Variants in ZNF407 observed in about 807,000 individuals in gnomAD.
ZNF407 encodes the protein zinc finger protein 407.
In ZNF407, 17 loss-of-function variants were observed where a neutral mutation model predicts 131.2. That is an observed-to-expected ratio of 0.13 (90% CI 0.09 to 0.19). ZNF407 has a LOEUF of 0.19. Ranked by LOEUF, ZNF407 falls within the 10% of genes least tolerant of loss-of-function variation. ZNF407 has a pLI of 1.00. For missense variants in ZNF407, 2,681 were observed against 2,830.6 expected (o/e 0.95, Z 1.20); for synonymous variants, 1,156 against 1,062.0 (o/e 1.09, Z -1.72).
chr18:74,952,299 C>T (rs770647726), intron 8 of ZNF407, among the ~76,000 whole-genome samples: 2 of 152,184 alleles, frequency 1.3e-5, no homozygotes, highest in Non-Finnish European at 2.9e-5. Context: ...GGGCACTGTG[C>T]TCTATGCCAT....
At chr18:74,672,503 T>C (rs373082957) in intron 3 of ZNF407, among the ~76,000 whole-genome samples, 26 of 119,570 alleles carry the variant, frequency 2.2e-4, no homozygotes, top group Admixed American at 6.1e-4. Context: ...GTTGGAGCAC[T>C]GTGTCTCTGT....
At chr18:74,743,530 A>G (rs1253423711) in intron 3 of ZNF407, among the ~76,000 whole-genome samples, 1 of 152,166 alleles carries the variant, frequency 6.6e-6, no homozygotes, top group Non-Finnish European at 1.5e-5. Context: ...GGACCACTGT[A>G]AAGTTGTATT....
At chr18:74,851,672 T>C (rs1349828897) in intron 4 of ZNF407, among the ~76,000 whole-genome samples, 2 of 152,168 alleles carry the variant, frequency 1.3e-5, no homozygotes, top group Non-Finnish European at 2.9e-5. Context: ...TTTGGGAAAT[T>C]CTTGATTTAT....
At chr18:74,839,024 A>G (rs972958885) in intron 4 of ZNF407, among the ~76,000 whole-genome samples, 2 of 152,212 alleles carry the variant, frequency 1.3e-5, no homozygotes, top group Non-Finnish European at 2.9e-5. Context: ...AAAAAAATAC[A>G]TATATCTCTA....
intron 6 of ZNF407, among the ~76,000 whole-genome samples, chr18:74,883,531 G>T (rs1971266902): frequency 6.6e-6 from 1 of 152,156 alleles, no homozygotes; most frequent in East Asian, 1.9e-4. Context: ...TGTCCAGGGG[G>T]CTGACACAAA....
intron 3 of ZNF407, among the ~76,000 whole-genome samples, chr18:74,766,829 G>A (rs1029695796): frequency 7.9e-5 from 12 of 152,172 alleles, no homozygotes; most frequent in East Asian, 3.9e-4. Flanking sequence ...AGATAACATC[G>A]TTAACACATA....
intron 8 of ZNF407, among the ~76,000 whole-genome samples, chr18:74,959,028 A>G (rs1216815546): frequency 6.6e-6 from 1 of 152,218 alleles, no homozygotes; most frequent in Non-Finnish European, 1.5e-5. Context: ...GTTCTTCATT[A>G]CATTTTACTT....
chr18:74,851,103 G>T (rs1390780963), intron 4 of ZNF407, among the ~76,000 whole-genome samples: 1 of 152,198 alleles, frequency 6.6e-6, no homozygotes, highest in Non-Finnish European at 1.5e-5. Flanking sequence ...AAATTAACGT[G>T]TAGAAAATGT....
At chr18:74,869,720 A>G (rs994185605) in intron 4 of ZNF407, among the ~76,000 whole-genome samples, 2 of 152,176 alleles carry the variant, frequency 1.3e-5, no homozygotes, top group African/African-American at 4.8e-5. Context: ...GAGTAGGCCC[A>G]CTGCCTGTTT....
At chr18:74,900,238 T>C (rs958866871) in intron 7 of ZNF407, among the ~76,000 whole-genome samples, 1 of 152,164 alleles carries the variant, frequency 6.6e-6, no homozygotes, top group Admixed American at 6.5e-5. Context: ...AGTGCCTCAC[T>C]ATTGTCCTGT....
intron 4 of ZNF407, among the ~76,000 whole-genome samples, chr18:74,788,303 A>T (rs529841151): frequency 1.3e-5 from 2 of 152,160 alleles, no homozygotes; most frequent in African/African-American, 2.4e-5. Context: ...AAGTGCATAT[A>T]TCTTTAGCCA....
chr18:74,823,982 T>C (rs983319942), intron 4 of ZNF407, among the ~76,000 whole-genome samples: 56 of 152,102 alleles, frequency 3.7e-4, no homozygotes, highest in African/African-American at 1.3e-3. Context: ...CCTCAGCAAA[T>C]GCAAAAGAAC....
intron 1 of ZNF407, among the ~76,000 whole-genome samples, chr18:74,605,140 G>C (rs1982747891): frequency 6.6e-6 from 1 of 152,068 alleles, no homozygotes; most frequent in African/African-American, 2.4e-5. Flanking sequence ...TTGATATTTG[G>C]GGTCTGCCTT....
At position 74,666,151 on chromosome 18, in the gene ZNF407, T is replaced by C. The variant is rs117070306; in HGVS notation, c.4802+25029T>C. Among the ~76,000 whole-genome samples the C allele has an allele frequency of 7.3e-3, 1,114 of 152,044 alleles. 31 individuals are homozygous for C. The highest frequency in any genetic ancestry group is 0.052 in the Admixed American group (790 of 15,296). The stretch of plus-strand genomic sequence containing the variant: ...TGTGCACGCCCCGCAGAAGCATAGG[T>C]TGGAGGGTGAGGGCGCTCTGTGTGC... On this transcript the variant is annotated intron_variant, in intron 3 of 8. Coordinates refer to ENST00000299687, the MANE Select transcript of ZNF407 (RefSeq NM_017757.3).
At chr18:74,651,725 T>C (rs1210435880) in intron 3 of ZNF407, among the ~76,000 whole-genome samples, 1 of 152,190 alleles carries the variant, frequency 6.6e-6, no homozygotes, top group Non-Finnish European at 1.5e-5. Context: ...TGCTCAGAAT[T>C]ATGAATTGTC....
At chr18:74,990,645 G>C (rs1437258715) in intron 8 of ZNF407, among the ~76,000 whole-genome samples, 2 of 152,168 alleles carry the variant, frequency 1.3e-5, no homozygotes, top group Non-Finnish European at 2.9e-5. Context: ...TTTTGCAGAA[G>C]TGATTTTTGG....
chr18:75,064,247 C>CA lies in ZNF407; in HGVS notation c.6526_6527insA (p.Pro2176HisfsTer99). 6.2e-7 allele frequency: 1 copy of CA among 1,606,314 alleles called. No homozygotes were observed. ...CACGCACTACATCCTGACAGAGCTG[C>CA]CCCCAGGGGTGCAGGACGAGCCGGG... On this transcript the variant is annotated frameshift_variant, in exon 9 of 9. Coordinates refer to ENST00000299687, the MANE Select transcript of ZNF407 (RefSeq NM_017757.3). LOFTEE classifies it low-confidence loss of function (END_TRUNC).
chr18:74,923,933 T>C (rs994927286), intron 8 of ZNF407, among the ~76,000 whole-genome samples: 1 of 152,126 alleles, frequency 6.6e-6, no homozygotes, highest in East Asian at 1.9e-4. Flanking sequence ...ATATTCATCA[T>C]AGTCAAAACT....
chr18:74,830,552 G>A (rs1354764268), intron 4 of ZNF407, among the ~76,000 whole-genome samples: 1 of 152,228 alleles, frequency 6.6e-6, no homozygotes, highest in Non-Finnish European at 1.5e-5. Flanking sequence ...GCCTGCCAGA[G>A]TGCTGGGATT....
Sources: allele counts gnomAD v4.1 joint callset (sites outside exome capture counted in the v4.1 genomes callset), GRCh38; gene constraint gnomAD v4.1.1; transcripts MANE v1.5; gene names NCBI Gene and HGNC (gene_info 2026-07-23, HGNC 2026-07-21).